Variants in AVEN observed in about 807,000 individuals in gnomAD.
AVEN encodes apoptosis and caspase activation inhibitor.
In AVEN, 41 loss-of-function variants were observed where a neutral mutation model predicts 38.1. The observed-to-expected ratio is 1.08, with a 90% confidence interval of 0.84 to 1.40. The LOEUF (loss-of-function observed/expected upper bound fraction) is 1.40. AVEN is among the 40% of genes most tolerant of loss of function. The pLI is 0.00. For synonymous variants in AVEN, 206 were observed against 171.8 expected (o/e 1.20, Z -1.56); for missense variants, 605 against 438.8 (o/e 1.38, Z -3.38).
rs1240267721 is a variant in AVEN at position 33,866,363 on chromosome 15, G to C, written c.*250C>G. ...CTGCAAGGAAGGAGGCTAGAAACAA[G>C]GGCCAGAGTCTATCTCCTGCCCTTA... On this transcript the variant is annotated 3_prime_UTR_variant, in exon 6 of 6. Transcript: ENST00000306730. 5 of 521,358 alleles carry C rather than the reference G, an allele frequency of 9.6e-6. No homozygotes were observed. The highest frequency in any genetic ancestry group is 5.1e-4 in the Middle Eastern group (1 of 1,952). 32.3% of individuals were successfully genotyped at this position (521,358 alleles called of 1,614,324 possible). A position where few individuals can be genotyped will look rare whatever the true frequency, so the allele number is the denominator to read the frequency against.
At chr15:33,869,885 G>A (rs886709242) in intron 4 of AVEN, among the ~76,000 whole-genome samples, 3 of 150,932 alleles carry the variant, frequency 2.0e-5, no homozygotes, top group Admixed American at 6.6e-5. Context: ...TAATCTTTGG[G>A]CCTCCCCCTC....
intron 5 of AVEN, among the ~76,000 whole-genome samples, chr15:34,054,371 A>C (rs1900050474): frequency 6.6e-6 from 1 of 152,214 alleles, no homozygotes; most frequent in African/African-American, 2.4e-5. Context: ...ATAAAGATAC[A>C]TGCATGTGTA....
chr15:34,055,502 C>T (rs1487239949), intron 5 of AVEN, among the ~76,000 whole-genome samples: 1 of 150,508 alleles, frequency 6.6e-6, no homozygotes, highest in Non-Finnish European at 1.5e-5. Flanking sequence ...GAAACACTCT[C>T]TCAAAAAAAT....
chr15:33,899,460 C>CTTTTTTTTTTTTTTTTT lies in AVEN; in HGVS notation c.446-23482_446-23466dup, dbSNP rs533788693. ...TACATTTATTTGCTTCAGGGAAAACCTTTTTTTTTTTTTTTTTTTTTTTTT... is the reference window on the plus strand; with the variant it reads ...TACATTTATTTGCTTCAGGGAAAACCTTTTTTTTTTTTTTTTTTTTTTTTTTTTTTTTTTTTTTTTTT... On this transcript the variant is annotated intron_variant, in intron 2 of 5. Coordinates refer to ENST00000306730, the MANE Select transcript of AVEN (RefSeq NM_020371.3). Among the ~76,000 whole-genome samples, 54 of 65,428 alleles carry CTTTTTTTTTTTTTTTTT rather than the reference C, an allele frequency of 8.3e-4. 8 individuals carry two copies. The highest frequency in any genetic ancestry group is 3.5e-3 in the East Asian group (7 of 2,026). 42.9% of individuals were successfully genotyped at this position (65,428 alleles called of 152,430 possible).
At chr15:34,070,634 G>A (rs7166191) in exon 2 of AVEN, among the ~76,000 whole-genome samples, 1,841 of 152,112 alleles carry the variant, frequency 0.012, 45 homozygotes, top group African/African-American at 0.038. Flanking sequence ...GCTCTCCATT[G>A]AGCTAAGGAT....
chr15:33,979,295 A>G (rs1369519914), intron 2 of AVEN, among the ~76,000 whole-genome samples: 3 of 152,042 alleles, frequency 2.0e-5, no homozygotes, highest in Non-Finnish European at 4.4e-5. Flanking sequence ...GCCAAGGAGG[A>G]AGGATTGCTT....
intron 1 of AVEN, among the ~76,000 whole-genome samples, chr15:34,038,290 T>G (rs535268021): frequency 6.6e-6 from 1 of 152,362 alleles, no homozygotes; most frequent in African/African-American, 2.4e-5. Flanking sequence ...CTTTTTATTA[T>G]GCGCCTACTG....
At chr15:34,061,380 T>A (rs1291877322) in intron 5 of AVEN, among the ~76,000 whole-genome samples, 3 of 129,946 alleles carry the variant, frequency 2.3e-5, no homozygotes, top group African/African-American at 8.5e-5. Flanking sequence ...ACAATGAAAG[T>A]GGTAGCTCTA....
chr15:33,890,970 G>A (rs368503087), intron 2 of AVEN, among the ~76,000 whole-genome samples: 20 of 152,090 alleles, frequency 1.3e-4, no homozygotes, highest in African/African-American at 4.6e-4. Flanking sequence ...TTAGCGGAGC[G>A]TGGTGGTGCA....
intron 2 of AVEN, among the ~76,000 whole-genome samples, chr15:33,897,252 G>A (rs1892269196): frequency 6.6e-6 from 1 of 151,774 alleles, no homozygotes; most frequent in Non-Finnish European, 1.5e-5. Context: ...TAAAAAGGCT[G>A]AATTTTGCTC....
rs1410624797 is a variant in AVEN, at chr15:34,039,021, C to T, written c.26G>A (p.Gly9Glu). 13 of 1,122,720 alleles carry T rather than the reference C, an allele frequency of 1.2e-5. No homozygotes were observed. Among genetic ancestry groups the T allele is most frequent in the Non-Finnish European group, 1.4e-5 (13 of 920,006 alleles). 69.5% of individuals were successfully genotyped at this position (1,122,720 alleles called of 1,614,324 possible). A position where few individuals can be genotyped will look rare whatever the true frequency, so the allele number is the denominator to read the frequency against. Residue 9 changes from glycine to glutamate, a missense_variant, in exon 1 of 6, where the codon GGA becomes GAA. Transcript: ENST00000306730. MQAERGAR[G>E]GRGRRPGRGR... ...GCGGCCTGGCCGCCGCCCACGGCCT[C>T]CCCGAGCTCCTCGCTCCGCCTGCAT...
intron 1 of AVEN, chr15:34,007,052 C>T: frequency 1.0e-6 from 1 of 984,286 alleles, no homozygotes; most frequent in East Asian, 1.1e-4. Context: ...CATACCTGGA[C>T]ATCGGTCACT....
chr15:33,857,876 G>A (rs909959183), downstream of AVEN: 10 of 1,614,028 alleles, frequency 6.2e-6, no homozygotes, highest in Admixed American at 8.3e-5. Context: ...AAGCGAAGAC[G>A]ATGACGAGCC....
At chr15:34,067,967 A>G (rs998580649) in intron 2 of AVEN, among the ~76,000 whole-genome samples, 4 of 152,236 alleles carry the variant, frequency 2.6e-5, no homozygotes, top group Non-Finnish European at 4.4e-5. Context: ...ATTGTCAAAG[A>G]AGAAGCTGGA....
the AVEN span, chr15:33,852,234 G>A: frequency 6.6e-6 from 1 of 152,122 alleles, no homozygotes; most frequent in African/African-American, 2.4e-5. Flanking sequence ...CTGCAATCCA[G>A]TCTTACAAGG....
intron 1 of AVEN, among the ~76,000 whole-genome samples, chr15:34,006,302 C>T (rs998424417): frequency 3.4e-5 from 5 of 145,206 alleles, no homozygotes; most frequent in Admixed American, 1.4e-4. Context: ...CAGAGCGAGA[C>T]TCCGTCTCAA....
chr15:33,862,226 G>T (rs1014403452), downstream of AVEN, among the ~76,000 whole-genome samples: 1 of 152,012 alleles, frequency 6.6e-6, no homozygotes, highest in African/African-American at 2.4e-5. Flanking sequence ...CTCATCTTTC[G>T]AGATAGATAG....
chr15:33,864,216 T>TGTTAGATCTCCC, downstream of AVEN: 1 of 1,570,396 alleles, frequency 6.4e-7, no homozygotes, highest in Non-Finnish European at 8.7e-7. Context: ...CATATACCCG[T>TGTTAGATCTCCC]GTTAGATCTC....
chr15:33,923,784 T>C (rs996044052), intron 2 of AVEN, among the ~76,000 whole-genome samples: 9 of 151,838 alleles, frequency 5.9e-5, no homozygotes, highest in African/African-American at 2.2e-4. Context: ...TTCATCTGTA[T>C]TTACAGCCAC....
Sources: gnomAD v4.1 joint callset for allele counts (sites outside exome capture counted in the v4.1 genomes callset) on GRCh38, gnomAD v4.1.1 for gene constraint, MANE v1.5 for transcripts, NCBI Gene and HGNC (gene_info 2026-07-23, HGNC 2026-07-21) for gene names.